Variants in ZNF469 observed in about 807,000 individuals in gnomAD.
ZNF469 encodes zinc finger protein 469.
Under a neutral mutation model 1.0 loss-of-function variants are expected in ZNF469, and 1 was observed. That is an observed-to-expected ratio of 1.00 (90% CI 0.35 to 4.73). The LOEUF (loss-of-function observed/expected upper bound fraction) is 4.73. Among genes scored for constraint, ZNF469 ranks in the 30% most tolerant of loss-of-function variants. The probability of loss-of-function intolerance (pLI) is 0.16; values close to 1 mark genes in which losing one functional copy is unlikely to be tolerated. For synonymous variants in ZNF469, 2,703 were observed against 2,363.4 expected (o/e 1.14, Z -4.17); for missense variants, 6,100 against 5,356.3 (o/e 1.14, Z -4.33).
At chr16:88,372,224 C>CCG in the ZNF469 span, among the ~76,000 whole-genome samples, 4 of 7,642 alleles carry the variant, frequency 5.2e-4, 2 homozygotes, top group African/African-American at 8.5e-4. Flanking sequence ...ACCATCACCA[C>CCG]TATCATCACC....
At chr16:88,326,905 G>A in the ZNF469 span, among the ~76,000 whole-genome samples, 5 of 152,114 alleles carry the variant, frequency 3.3e-5, no homozygotes, top group Admixed American at 1.3e-4. Context: ...ACCTGGCAGC[G>A]GGGCCCAGGA....
In ZNF469 at chr16:88,437,090, C is replaced by T. The variant is rs563202944; in HGVS notation, c.9620C>T (p.Ala3207Val). 428 of 1,545,008 alleles carry T rather than the reference C, an allele frequency of 2.8e-4. 1 individual carries two copies. Among genetic ancestry groups the T allele is most frequent in the Non-Finnish European group, 3.5e-4 (405 of 1,145,800 alleles). Residue 3207 changes from alanine (A) to valine (V), a missense_variant, in exon 3 of 3, where the codon GCG (alanine) becomes GTG (valine). Physicochemically the swap from Ala to Val is moderately conservative, Grantham distance 64 (BLOSUM62 0). Transcript: ENST00000565624. The stretch of plus-strand genomic sequence containing the variant: ...GTCCGCTTCGCCCGCAGGGGGCAGG[C>T]GCGGAGGTCCTTGGGGGACCTGCCC... ...HAVRFARRGQ[A>V]RRSLGDLPGG...
the ZNF469 span, among the ~76,000 whole-genome samples, chr16:88,222,233 C>T: frequency 1.3e-5 from 2 of 152,242 alleles, no homozygotes; most frequent in Admixed American, 1.3e-4. Flanking sequence ...GCTACACACC[C>T]ACTAATTGAT....
At chr16:88,190,163 G>A in the ZNF469 span, among the ~76,000 whole-genome samples, 2 of 152,206 alleles carry the variant, frequency 1.3e-5, no homozygotes, top group Admixed American at 6.5e-5. Flanking sequence ...CTGGCTACAC[G>A]AGGCCAAAAC....
chr16:88,139,942 C>T, the ZNF469 span, among the ~76,000 whole-genome samples: 1 of 152,182 alleles, frequency 6.6e-6, no homozygotes, highest in African/African-American at 2.4e-5. Context: ...CAAACAACAG[C>T]ATCAACAACA....
intron 1 of ZNF469, among the ~76,000 whole-genome samples, chr16:88,415,340 C>T (rs933776547): frequency 6.6e-6 from 1 of 152,180 alleles, no homozygotes; most frequent in African/African-American, 2.4e-5. Context: ...CCACCCTGCC[C>T]CACAACCTCA....
the ZNF469 span, among the ~76,000 whole-genome samples, chr16:88,364,874 A>C: frequency 2.0e-5 from 3 of 152,202 alleles, no homozygotes; most frequent in Non-Finnish European, 4.4e-5. Flanking sequence ...CTGAGACAGG[A>C]GAATCCGTTG....
the ZNF469 span, among the ~76,000 whole-genome samples, chr16:88,331,579 C>G: frequency 1.3e-5 from 2 of 151,720 alleles, no homozygotes; most frequent in African/African-American, 4.8e-5. Flanking sequence ...CCACCACCAC[C>G]ACCACCACCA....
chr16:88,223,163 T>C, the ZNF469 span, among the ~76,000 whole-genome samples: 2 of 152,202 alleles, frequency 1.3e-5, no homozygotes, highest in African/African-American at 2.4e-5. Context: ...CCTTGAATTA[T>C]AGTGTCCATA....
Position 88,430,346 on chromosome 16 carries a change from ACTCGGGCGGCGCAGC to A in ZNF469, c.2877_2891del (p.Asp959_Ala964delinsGlu). 6.6e-7 allele frequency: 1 copy of A among 1,513,986 alleles called. No homozygotes were observed. The highest frequency in any genetic ancestry group is 2.5e-5 in the East Asian group (1 of 40,628). The allele number at this position is 1,513,986 out of a possible 1,614,324, so 93.8% of individuals were successfully genotyped here. On this transcript the variant is annotated inframe_deletion, in exon 3 of 3. Transcript: ENST00000565624. ...TTGAAGCTGTTCCGGAAGGATCTGG[ACTCGGGCGGCGCAGC>A]AGAGGGGTCGGGGTCGGGCGGCGGC...
the ZNF469 span, among the ~76,000 whole-genome samples, chr16:88,263,506 G>T: frequency 5.3e-5 from 8 of 152,234 alleles, no homozygotes; most frequent in Admixed American, 4.6e-4. Context: ...GAGACAGAGG[G>T]AGGGGCAGGC....
chr16:88,388,122 G>A (rs554465935), intron 1 of ZNF469, among the ~76,000 whole-genome samples: 1 of 152,264 alleles, frequency 6.6e-6, no homozygotes, highest in East Asian at 1.9e-4. Context: ...GAGCAGGCGC[G>A]AGGGTGTGGA....
At chr16:88,132,448 C>T in the ZNF469 span, among the ~76,000 whole-genome samples, 8 of 152,346 alleles carry the variant, frequency 5.3e-5, no homozygotes, top group East Asian at 9.7e-4. Flanking sequence ...CTGTGACTGG[C>T]CCCATCTCTC....
chr16:88,190,833 AAC>A, the ZNF469 span, among the ~76,000 whole-genome samples: 1 of 152,160 alleles, frequency 6.6e-6, no homozygotes, highest in Non-Finnish European at 1.5e-5. Flanking sequence ...TTGCCTCTGT[AAC>A]ACACTGCCAC....
the ZNF469 span, among the ~76,000 whole-genome samples, chr16:88,355,531 T>A: frequency 4.0e-3 from 611 of 152,316 alleles, 4 homozygotes; most frequent in African/African-American, 0.014. Flanking sequence ...CAGCAGCTGC[T>A]GCCGATCCTG....
At chr16:88,381,593 G>C (rs191526234), upstream of ZNF469, among the ~76,000 whole-genome samples, 10 of 152,270 alleles carry the variant, frequency 6.6e-5, no homozygotes, top group African/African-American at 2.4e-4. Context: ...ATTAACTCGA[G>C]AGGGTTTCTT....
chr16:88,158,047 T>C, the ZNF469 span, among the ~76,000 whole-genome samples: 285 of 151,954 alleles, frequency 1.9e-3, 3 homozygotes, highest in Non-Finnish European at 3.0e-3. Context: ...GCGGGGATGC[T>C]CCGGGGGTCT....
At chr16:88,367,463 C>T in the ZNF469 span, among the ~76,000 whole-genome samples, 87 of 152,346 alleles carry the variant, frequency 5.7e-4, no homozygotes, top group South Asian at 2.3e-3. Flanking sequence ...GAAGGTCATC[C>T]TTCGCCACCT....
the ZNF469 span, among the ~76,000 whole-genome samples, chr16:88,216,066 G>T: frequency 6.6e-6 from 1 of 151,076 alleles, no homozygotes; most frequent in African/African-American, 2.4e-5. Flanking sequence ...ATTTTTTTTT[G>T]GTACAGATTT....
Sources: allele counts gnomAD v4.1 joint callset (sites outside exome capture counted in the v4.1 genomes callset), GRCh38; gene constraint gnomAD v4.1.1; transcripts MANE v1.5; gene names NCBI Gene and HGNC (gene_info 2026-07-23, HGNC 2026-07-21).